Variants in UBE2R2 observed in about 807,000 individuals in gnomAD.
UBE2R2 encodes the protein ubiquitin-conjugating enzyme E2 R2.
In UBE2R2, 1 loss-of-function variant was observed where a neutral mutation model predicts 27.8. The ratio of observed to expected loss-of-function variants is 0.04; its 90% CI spans 0.01 to 0.17. UBE2R2 has a LOEUF of 0.17. Among genes scored for constraint, UBE2R2 ranks in the 10% least tolerant of loss-of-function variants. UBE2R2 has a pLI of 1.00. For missense variants in UBE2R2, 100 were observed against 291.0 expected, an observed-to-expected ratio of 0.34 and a Z score of 4.78; for synonymous variants, 106 against 113.3, an observed-to-expected ratio of 0.94 and a Z score of 0.41.
At chr9:33,849,351 G>T (rs192900950) in intron 1 of UBE2R2, among the ~76,000 whole-genome samples, 1 of 152,252 alleles carries the variant, frequency 6.6e-6, no homozygotes, top group Admixed American at 6.5e-5. Context: ...TTTTGTGTGT[G>T]TAGGTGTGTA....
chr9:33,902,626 C>T lies in UBE2R2; in HGVS notation c.362+2355C>T, dbSNP rs530311471. Among the ~76,000 whole-genome samples, 3 of 152,270 alleles carry T rather than the reference C, an allele frequency of 2.0e-5. No individual in the cohort carries two copies. In the East Asian group the frequency reaches 5.8e-4, roughly 29 times the overall value. The stretch of plus-strand genomic sequence containing the variant: ...TGTATCGTAACCAGTTCAAGTAGTA[C>T]ATAATTTATCTTGGGTTCTAAATAC... On this transcript the variant is annotated intron_variant, in intron 3 of 4. Transcript: ENST00000263228.
rs1293916598 is a variant in UBE2R2, at chr9:33,919,478, C to CTGTT, written c.*2242_*2245dup. The CTGTT allele has an allele frequency of 4.6e-5, 7 of 152,240 alleles. No individual in the cohort carries two copies. The highest frequency in any genetic ancestry group is 8.8e-5 in the Non-Finnish European group (6 of 68,082). The allele number at this position is 152,240 out of a possible 1,614,324, so 9.4% of individuals were successfully genotyped here. On this transcript the variant is annotated 3_prime_UTR_variant, in exon 5 of 5. Coordinates refer to ENST00000263228, the MANE Select transcript of UBE2R2 (RefSeq NM_017811.4). ...CTGTTCCATCAGGCCCTATTGGCCTCTGTTAGACATTGACTCAGGGAGCCG... is the reference window on the plus strand; with the variant it reads ...CTGTTCCATCAGGCCCTATTGGCCTCTGTTTGTTAGACATTGACTCAGGGAGCCG...
intron 1 of UBE2R2, among the ~76,000 whole-genome samples, chr9:33,821,946 T>G (rs1825988151): frequency 6.6e-6 from 1 of 151,972 alleles, no homozygotes; most frequent in Non-Finnish European, 1.5e-5. Flanking sequence ...TTGATTTTAT[T>G]AAATAATTTG....
chr9:33,817,732 G>A lies in UBE2R2; in HGVS notation c.-26G>A, dbSNP rs554089142. On this transcript the variant is annotated 5_prime_UTR_variant, in exon 1 of 5. Transcript: ENST00000263228. ...GCGTGAGGACTGGGGCCCGGGCCCG[G>A]CGCCGCCGCCGCCGCCGCCGCCGCG... is the stretch of plus-strand genomic sequence containing the variant. The A allele has an allele frequency of 3.0e-5, 45 of 1,489,118 alleles. No individual in the cohort carries two copies. The highest frequency in any genetic ancestry group is 3.8e-5 in the Non-Finnish European group (43 of 1,117,540). The allele number at this position is 1,489,118 out of a possible 1,614,324, so 92.2% of individuals were successfully genotyped here.
In UBE2R2 at chr9:33,817,865, C is replaced by A; in HGVS notation, c.108C>A (p.Ser36=). 8.1e-6 allele frequency: 13 copies of A among 1,611,544 alleles called. No individual in the cohort carries two copies. Among genetic ancestry groups the A allele is most frequent in the Non-Finnish European group, 1.1e-5 (13 of 1,178,636 alleles). The change falls in exon 1 of 5, where the codon TCC becomes TCA. Residue 36 remains serine, a synonymous_variant. Coordinates refer to ENST00000263228, the MANE Select transcript of UBE2R2 (RefSeq NM_017811.4). ...EGFRITLVDE[S]DLYNWEVAIF... is the part of the protein sequence containing the mutation. ...TCCGGATCACCCTGGTGGACGAGTC[C>A]GACCTCTACAACTGGGAGGTGGCCA...
At chr9:33,818,039 A>C (rs1825853027) in intron 1 of UBE2R2, 105 bp downstream of exon 1, 32 of 1,286,778 alleles carry the variant, frequency 2.5e-5, no homozygotes, top group Non-Finnish European at 3.2e-5. Flanking sequence ...GGGCGAGTGG[A>C]GGGGGCTTCT....
intron 1 of UBE2R2, among the ~76,000 whole-genome samples, chr9:33,834,535 T>C (rs528179114): frequency 1.3e-5 from 2 of 150,552 alleles, no homozygotes; most frequent in African/African-American, 4.8e-5. Context: ...TAGTCCACCA[T>C]CTTCCATGAC....
At chr9:33,847,678 G>T (rs1245303880) in intron 1 of UBE2R2, among the ~76,000 whole-genome samples, 1 of 150,614 alleles carries the variant, frequency 6.6e-6, no homozygotes, top group Non-Finnish European at 1.5e-5. Flanking sequence ...TATGTTCTGT[G>T]TGTCTCCAAC....
intron 3 of UBE2R2, among the ~76,000 whole-genome samples, chr9:33,904,358 G>C (rs1436589308): frequency 6.6e-6 from 1 of 152,114 alleles, no homozygotes; most frequent in Admixed American, 6.5e-5. Context: ...TCCAGTTTAT[G>C]GGTGGCTGTA....
intron 1 of UBE2R2, among the ~76,000 whole-genome samples, chr9:33,858,438 G>T (rs959515261): frequency 2.6e-5 from 4 of 151,468 alleles, no homozygotes; most frequent in Middle Eastern, 3.4e-3. Context: ...TTCCTCAGAC[G>T]GTGTCTCACT....
intron 1 of UBE2R2, among the ~76,000 whole-genome samples, chr9:33,837,702 G>T (rs75010077): frequency 6.6e-6 from 1 of 152,028 alleles, no homozygotes; most frequent in Non-Finnish European, 1.5e-5. Flanking sequence ...TAGGATTACA[G>T]AGCCACCACA....
intron 2 of UBE2R2, among the ~76,000 whole-genome samples, chr9:33,896,116 A>G (rs1050143719): frequency 6.6e-6 from 1 of 152,110 alleles, no homozygotes; most frequent in Admixed American, 6.5e-5. Context: ...AATTGTTTTC[A>G]TAATATCCTA....
chr9:33,819,408 A>G (rs946867877), intron 1 of UBE2R2, among the ~76,000 whole-genome samples: 1 of 152,160 alleles, frequency 6.6e-6, no homozygotes, highest in Non-Finnish European at 1.5e-5. Context: ...TTTTTAGAAT[A>G]TTATGTAAGT....
intron 2 of UBE2R2, among the ~76,000 whole-genome samples, chr9:33,889,719 G>A (rs549807000): frequency 3.9e-5 from 6 of 152,214 alleles, no homozygotes; most frequent in South Asian, 2.1e-4. Flanking sequence ...ATGGAGTCTC[G>A]TTCTGTCACC....
At position 33,899,788 on chromosome 9, in the gene UBE2R2, G is replaced by A. The variant is rs557210866; in HGVS notation, c.265-386G>A. Among the ~76,000 whole-genome samples, 10 of 152,324 alleles carry A rather than the reference G, an allele frequency of 6.6e-5. No individual in the cohort carries two copies. The East Asian group carries it at 1.7e-3, about 26-fold the overall frequency. ...GCTAGGATTACAGGCGTGAGACACCGCGCCCAGCCCCAGTCAATTTTTTAT... is the reference window on the plus strand; with the variant it reads ...GCTAGGATTACAGGCGTGAGACACCACGCCCAGCCCCAGTCAATTTTTTAT... On this transcript the variant is annotated intron_variant, in intron 2 of 4. Coordinates refer to ENST00000263228, the MANE Select transcript of UBE2R2 (RefSeq NM_017811.4).
intron 1 of UBE2R2, among the ~76,000 whole-genome samples, chr9:33,863,075 C>A (rs2130769716): frequency 1.3e-5 from 2 of 151,818 alleles, no homozygotes; most frequent in South Asian, 4.2e-4. Context: ...GTAATCCCAG[C>A]TACTCAGGAG....
chr9:33,899,881 AATATT>A (rs1822208840), intron 2 of UBE2R2, among the ~76,000 whole-genome samples: 1 of 152,150 alleles, frequency 6.6e-6, no homozygotes, highest in Non-Finnish European at 1.5e-5. Context: ...GGTCGAAATA[AATATT>A]ATATTTTAAT....
intron 1 of UBE2R2, among the ~76,000 whole-genome samples, chr9:33,862,918 A>G (rs975516441): frequency 6.6e-6 from 1 of 152,184 alleles, no homozygotes; most frequent in African/African-American, 2.4e-5. Context: ...TAAAGAAAGT[A>G]TACCAGCATG....
Position 33,917,605 on chromosome 9 carries a change from T to C in UBE2R2, c.*368T>C. 1 of 417,856 alleles carries C rather than the reference T, an allele frequency of 2.4e-6. No homozygotes were observed. The highest frequency in any genetic ancestry group is 3.7e-5 in the East Asian group (1 of 26,890). 25.9% of individuals were successfully genotyped at this position (417,856 alleles called of 1,614,324 possible). On this transcript the variant is annotated 3_prime_UTR_variant, in exon 5 of 5. Coordinates refer to ENST00000263228, the MANE Select transcript of UBE2R2 (RefSeq NM_017811.4). Reference sequence around the variant, plus strand: ...AAGAATTCAATAGTCTTTCAAGATGTTTAATGTGTTTAAAGCTGGGAACCT... The same window carrying C: ...AAGAATTCAATAGTCTTTCAAGATGCTTAATGTGTTTAAAGCTGGGAACCT...
Sources: allele counts gnomAD v4.1 joint callset (sites outside exome capture counted in the v4.1 genomes callset), GRCh38; gene constraint gnomAD v4.1.1; transcripts MANE v1.5; gene names NCBI Gene and HGNC (gene_info 2026-07-23, HGNC 2026-07-21).